The following PPP4R1 variants were observed in gnomAD, a reference collection of about 807,000 sequenced individuals.
PPP4R1 encodes the protein serine/threonine-protein phosphatase 4 regulatory subunit 1.
PPP4R1 carries 42 observed loss-of-function variants against 111.2 expected under a neutral mutation model. That is an observed-to-expected ratio of 0.38 (90% confidence interval 0.29 to 0.49). The LOEUF is 0.49. Ranked by LOEUF, PPP4R1 falls within the 20% of genes least tolerant of loss-of-function variation. The pLI, the probability that PPP4R1 is intolerant of heterozygous loss-of-function variation, is 0.97. For synonymous variants in PPP4R1, 409 were observed against 405.5 expected, an observed-to-expected ratio of 1.01 and a Z score of -0.10; for missense variants, 1,012 against 1,161.6, an observed-to-expected ratio of 0.87 and a Z score of 1.87.
intron 10 of PPP4R1, among the ~76,000 whole-genome samples, chr18:9,576,518 T>G (rs1056244097): frequency 2.5e-4 from 38 of 152,172 alleles, no homozygotes; most frequent in Admixed American, 1.9e-3. Context: ...CTTATGAGAC[T>G]GATATACTTA....
chr18:9,594,652 T>G (rs1425661507), intron 3 of PPP4R1: 1 of 191,464 alleles, frequency 5.2e-6, no homozygotes, highest in Non-Finnish European at 1.1e-5. Context: ...TCTTGGTCAC[T>G]GCTGTGTGAC....
intron 16 of PPP4R1, chr18:9,551,892 T>C (rs1469106793): frequency 6.6e-6 from 1 of 152,212 alleles, no homozygotes; most frequent in African/African-American, 2.4e-5. Context: ...CAAACGACAA[T>C]GGTAGTGGCA....
chr18:9,556,376 A>G (rs1465485683), intron 15 of PPP4R1, among the ~76,000 whole-genome samples: 2 of 151,758 alleles, frequency 1.3e-5, no homozygotes, highest in East Asian at 4.0e-4. Context: ...GTATTTTAGT[A>G]AAGACAAGGT....
chr18:9,580,975 A>C (rs1209682849), intron 9 of PPP4R1, among the ~76,000 whole-genome samples: 3 of 152,168 alleles, frequency 2.0e-5, no homozygotes, highest in Non-Finnish European at 2.9e-5. Context: ...CCCCTGTCAT[A>C]CCAGGGTGGC....
At chr18:9,607,784 T>C (rs1249911852) in intron 2 of PPP4R1, among the ~76,000 whole-genome samples, 2 of 94,540 alleles carry the variant, frequency 2.1e-5, no homozygotes, top group Admixed American at 1.0e-4. Context: ...TCTTTCTTTC[T>C]TTTTTTTTTT....
At chr18:9,592,118 C>G (rs1393980160) in intron 4 of PPP4R1, among the ~76,000 whole-genome samples, 1 of 152,174 alleles carries the variant, frequency 6.6e-6, no homozygotes, top group Non-Finnish European at 1.5e-5. Flanking sequence ...ATCAAGTCTT[C>G]TTGTCACCCA....
Position 9,577,118 on chromosome 18 carries a change from T to C in PPP4R1, c.992A>G (p.Tyr331Cys). 6.2e-7 allele frequency: 1 copy of C among 1,603,500 alleles called. No homozygotes were observed. Among genetic ancestry groups the C allele is most frequent in the Non-Finnish European group, 8.5e-7 (1 of 1,173,298 alleles). Residue 331 changes from tyrosine to cysteine, a missense_variant, in exon 10 of 20, where the codon TAT (tyrosine) becomes TGT (cysteine). Physicochemically the swap from Tyr to Cys is radical, Grantham distance 194 (BLOSUM62 -2). Transcript: ENST00000400556. ...TGAACTTTTGCTTTCTTCTTTAAAA[T>C]ACTGGCCTGAGCTAGATGGATTAGC... The part of the protein sequence containing the change: ...TFANPSSSGQ[Y>C]FKEESKSSEE...
In PPP4R1 at chr18:9,585,776, T is replaced by A. The variant is rs2067105499; in HGVS notation, c.586-948A>T. On this transcript the variant is annotated intron_variant, in intron 6 of 19. Coordinates refer to ENST00000400556, the MANE Select transcript of PPP4R1 (RefSeq NM_001042388.3). ...GAACTGGAAACATTTAAGAACAGTA[T>A]CACTCACAGAAGTACTTTTAAAAAA... is the stretch of plus-strand genomic sequence containing the variant. Among the ~76,000 whole-genome samples, 3 of 152,102 alleles carry A rather than the reference T, an allele frequency of 2.0e-5. No individual in the cohort carries two copies. In the South Asian group the frequency reaches 6.2e-4, roughly 32 times the overall value.
intron 2 of PPP4R1, among the ~76,000 whole-genome samples, chr18:9,604,671 G>A (rs78899189): frequency 2.8e-4 from 42 of 151,966 alleles, no homozygotes; most frequent in Admixed American, 9.8e-4. Flanking sequence ...ATTCCCTGCC[G>A]TCTTGGGTGC....
intron 19 of PPP4R1, among the ~76,000 whole-genome samples, chr18:9,548,368 C>T (rs962145994): frequency 2.0e-5 from 3 of 151,830 alleles, no homozygotes; most frequent in Non-Finnish European, 2.9e-5. Flanking sequence ...CTTCATTCAT[C>T]CGTGCAACTA....
intron 6 of PPP4R1, among the ~76,000 whole-genome samples, chr18:9,587,170 G>A (rs957893492): frequency 3.3e-5 from 5 of 152,048 alleles, no homozygotes; most frequent in South Asian, 4.1e-4. Context: ...GTGTTTCTTC[G>A]TTCAGTCCAG....
intron 16 of PPP4R1, 60 bp downstream of exon 16, chr18:9,553,262 T>TA: frequency 7.6e-7 from 1 of 1,309,968 alleles, no homozygotes; most frequent in Non-Finnish European, 1.1e-6. Flanking sequence ...TGAGAAAATG[T>TA]AAAAATGAAG....
At position 9,588,063 on chromosome 18, in the gene PPP4R1, A is replaced by T. The variant is rs748797470; in HGVS notation, c.585+26T>A. On this transcript the variant is annotated intron_variant, in intron 6 of 19. Coordinates refer to ENST00000400556, the MANE Select transcript of PPP4R1 (RefSeq NM_001042388.3). ...ACCTCTTATCAGCCACATTTTGCAT[A>T]AGTGGAAAAATGGCATTTGACTTAC... 18 of 1,612,926 alleles carry T rather than the reference A, an allele frequency of 1.1e-5. No individual in the cohort carries two copies. The Admixed American group carries it at 3.0e-4, about 27-fold the overall frequency.
intron 10 of PPP4R1, among the ~76,000 whole-genome samples, chr18:9,576,370 C>T (rs888345074): frequency 6.6e-6 from 1 of 151,932 alleles, no homozygotes; most frequent in Admixed American, 6.6e-5. Context: ...GTAAGTTAGG[C>T]TTGAATTAGT....
intron 2 of PPP4R1, among the ~76,000 whole-genome samples, chr18:9,611,999 G>T (rs1318063351): frequency 6.8e-6 from 1 of 146,900 alleles, no homozygotes; most frequent in African/African-American, 2.6e-5. Context: ...GGCAACAAGA[G>T]TGAAACTCCA....
At chr18:9,570,746 G>A in intron 10 of PPP4R1, 63 bp from the exon 11 acceptor site, 1 of 1,459,942 alleles carries the variant, frequency 6.8e-7, no homozygotes, top group Non-Finnish European at 9.1e-7. Flanking sequence ...TAAAAAAACT[G>A]ATGAAAGATA....
Position 9,546,918 on chromosome 18 carries a change from CTTA to C in PPP4R1, c.*868_*870del, listed in dbSNP as rs1289047707. 4 of 152,124 alleles carry C rather than the reference CTTA, an allele frequency of 2.6e-5. No homozygotes were observed. Among genetic ancestry groups the C allele is most frequent in the African/African-American group, 9.7e-5 (4 of 41,408 alleles). 9.4% of individuals were successfully genotyped at this position (152,124 alleles called of 1,614,324 possible). ...AGTGTATATATCTCTCTCTATAGATCTTATTAATAAATTTTATTTGGACAAGAG... is the reference window on the plus strand; with the variant it reads ...AGTGTATATATCTCTCTCTATAGATCTTAATAAATTTTATTTGGACAAGAG... On this transcript the variant is annotated 3_prime_UTR_variant, in exon 20 of 20. Coordinates refer to ENST00000400556, the MANE Select transcript of PPP4R1 (RefSeq NM_001042388.3).
intron 12 of PPP4R1, chr18:9,562,794 A>C (rs3826562): frequency 0.17 from 151,439 of 884,094 alleles, 13,822 homozygotes; most frequent in East Asian, 0.48. Flanking sequence ...CCATTTGTAT[A>C]AACAATGGCT....
intron 11 of PPP4R1, among the ~76,000 whole-genome samples, chr18:9,565,646 C>G (rs1381171468): frequency 1.3e-5 from 2 of 152,232 alleles, no homozygotes; most frequent in Non-Finnish European, 2.9e-5. Flanking sequence ...AGAAATCAAA[C>G]CAGCCACAAC....
Sources: allele counts gnomAD v4.1 joint callset (sites outside exome capture counted in the v4.1 genomes callset), GRCh38; gene constraint gnomAD v4.1.1; transcripts MANE v1.5; gene names NCBI Gene and HGNC (gene_info 2026-07-23, HGNC 2026-07-21).